The following NCK2 variants were observed in gnomAD, a reference collection of about 807,000 sequenced individuals.
NCK2 encodes NCK adaptor protein 2.
Under a neutral mutation model 33.9 loss-of-function variants are expected in NCK2, and 16 were observed. The observed-to-expected ratio is 0.47, with a 90% CI of 0.32 to 0.72. The LOEUF is 0.72. Among genes scored for constraint, NCK2 ranks in the 30% least tolerant of loss-of-function variants. NCK2 has a pLI of 0.03. For synonymous variants in NCK2, 273 were observed against 239.9 expected (o/e 1.14, Z -1.27); for missense variants, 418 against 537.3 (o/e 0.78, Z 2.19).
intron 1 of NCK2, among the ~76,000 whole-genome samples, chr2:105,792,347 T>C (rs1266818668): frequency 2.0e-5 from 3 of 152,232 alleles, no homozygotes; most frequent in Admixed American, 6.5e-5. Flanking sequence ...TCAGCAGTTA[T>C]CAATTAATGG....
At chr2:105,854,981 A>T (rs917259503) in intron 2 of NCK2, 67 bp from the exon 3 acceptor site, 1 of 1,233,364 alleles carries the variant, frequency 8.1e-7, no homozygotes, top group Non-Finnish European at 1.2e-6. Flanking sequence ...TAATTTTTCA[A>T]GTTGGTGCAA....
At chr2:105,889,408 T>C (rs1678871701) in intron 4 of NCK2, among the ~76,000 whole-genome samples, 1 of 152,214 alleles carries the variant, frequency 6.6e-6, no homozygotes, top group African/African-American at 2.4e-5. Context: ...GCACTGCCGA[T>C]GTTTGTTCCA....
chr2:105,787,972 C>T (rs1231881810), intron 1 of NCK2, among the ~76,000 whole-genome samples: 4 of 151,842 alleles, frequency 2.6e-5, no homozygotes, highest in Non-Finnish European at 4.4e-5. Context: ...TTCCTGCCCT[C>T]CTGGGCTCCA....
intron 1 of NCK2, among the ~76,000 whole-genome samples, chr2:105,766,317 G>C (rs1689948132): frequency 6.6e-6 from 1 of 152,092 alleles, no homozygotes; most frequent in Admixed American, 6.5e-5. Context: ...ACCTCTTTTA[G>C]GTTTTCTTTT....
chr2:105,764,143 G>T (rs994945569), intron 1 of NCK2, among the ~76,000 whole-genome samples: 2 of 152,246 alleles, frequency 1.3e-5, no homozygotes, highest in Non-Finnish European at 2.9e-5. Context: ...GAGCTTTCAC[G>T]TGGGTGCATG....
At chr2:105,814,312 C>T (rs918530831) in intron 1 of NCK2, among the ~76,000 whole-genome samples, 2 of 152,216 alleles carry the variant, frequency 1.3e-5, no homozygotes, top group African/African-American at 4.8e-5. Context: ...AGGAAAACAT[C>T]GCATGCAACC....
chr2:105,748,345 G>C (rs1049760949), intron 1 of NCK2, among the ~76,000 whole-genome samples: 5 of 152,028 alleles, frequency 3.3e-5, no homozygotes, highest in African/African-American at 1.2e-4. Flanking sequence ...CACTTTCTTT[G>C]TGTCCCTGAT....
chr2:105,877,795 G>A (rs1678299188), intron 3 of NCK2, among the ~76,000 whole-genome samples: 1 of 152,204 alleles, frequency 6.6e-6, no homozygotes, highest in African/African-American at 2.4e-5. Flanking sequence ...TGGATTGAAT[G>A]GGAATTTACT....
chr2:105,892,870 C>T, intron 4 of NCK2, 112 bp from the exon 5 acceptor site: 1 of 812,600 alleles, frequency 1.2e-6, no homozygotes, highest in South Asian at 2.2e-5. Context: ...AAGCAGAGAC[C>T]CAGTGTTTGA....
intron 1 of NCK2, among the ~76,000 whole-genome samples, chr2:105,764,297 T>C (rs778417118): frequency 6.6e-6 from 1 of 152,256 alleles, no homozygotes; most frequent in Non-Finnish European, 1.5e-5. Context: ...GGAGAGCCTG[T>C]GGGCAGACAT....
chr2:105,823,948 A>G (rs1675848119), intron 2 of NCK2, among the ~76,000 whole-genome samples: 2 of 152,048 alleles, frequency 1.3e-5, no homozygotes, highest in Admixed American at 1.3e-4. Flanking sequence ...AGTGTGAACA[A>G]CCCATGGTCC....
chr2:105,795,026 G>C (rs895217171), intron 1 of NCK2, among the ~76,000 whole-genome samples: 23 of 151,418 alleles, frequency 1.5e-4, no homozygotes, highest in Admixed American at 1.3e-4. Flanking sequence ...TTATTTTTTA[G>C]AGCAGTTTTA....
At chr2:105,888,600 C>A (rs1410184538) in intron 4 of NCK2, among the ~76,000 whole-genome samples, 1 of 152,232 alleles carries the variant, frequency 6.6e-6, no homozygotes, top group African/African-American at 2.4e-5. Flanking sequence ...CTTTGGTACT[C>A]TTTGCTTCAG....
chr2:105,879,644 C>T (rs1026649986), intron 3 of NCK2, among the ~76,000 whole-genome samples: 9 of 152,242 alleles, frequency 5.9e-5, no homozygotes, highest in Non-Finnish European at 1.2e-4. Context: ...CTGAAACGTA[C>T]GTGGCCTCAC....
chr2:105,757,792 G>A (rs1023895012), intron 1 of NCK2, among the ~76,000 whole-genome samples: 2 of 152,188 alleles, frequency 1.3e-5, no homozygotes, highest in African/African-American at 4.8e-5. Flanking sequence ...CAACCCCCAA[G>A]GCCAGGCAGA....
chr2:105,879,676 G>A (rs1201719374), intron 3 of NCK2, among the ~76,000 whole-genome samples: 1 of 152,262 alleles, frequency 6.6e-6, no homozygotes, highest in African/African-American at 2.4e-5. Context: ...CGCCGCGTGG[G>A]CACATGTCCC....
intron 4 of NCK2, among the ~76,000 whole-genome samples, chr2:105,889,073 T>C (rs1558889561): frequency 6.6e-6 from 1 of 152,142 alleles, no homozygotes; most frequent in African/African-American, 2.4e-5. Flanking sequence ...CTGCAACAGA[T>C]GAGAATAGGA....
chr2:105,823,914 C>T (rs1007662605), intron 2 of NCK2, among the ~76,000 whole-genome samples: 7 of 151,978 alleles, frequency 4.6e-5, no homozygotes, highest in Non-Finnish European at 7.3e-5. Context: ...GTGACCTTCC[C>T]GTGTGAAGGT....
intron 1 of NCK2, among the ~76,000 whole-genome samples, chr2:105,814,945 C>A (rs72825169): frequency 0.026 from 3,915 of 152,242 alleles, 89 homozygotes; most frequent in Middle Eastern, 0.061. Flanking sequence ...TTATAATAGC[C>A]CCTGAAAATG....
Sources: gnomAD v4.1 joint callset for allele counts (sites outside exome capture counted in the v4.1 genomes callset) on GRCh38, gnomAD v4.1.1 for gene constraint, MANE v1.5 for transcripts, NCBI Gene and HGNC (gene_info 2026-07-23, HGNC 2026-07-21) for gene names.